The following MGAT5 variants were observed in gnomAD, a reference collection of about 807,000 sequenced individuals.
MGAT5 encodes alpha-1,6-mannosylglycoprotein 6-beta-N-acetylglucosaminyltransferase.
In MGAT5, 30 loss-of-function variants were observed where a neutral mutation model predicts 94.3. That is an observed-to-expected ratio of 0.32 (90% CI 0.24 to 0.43). The LOEUF is 0.43. MGAT5 is among the 20% of genes least tolerant of loss of function. MGAT5 has a pLI of 1.00. For missense variants in MGAT5, 691 were observed against 905.5 expected (o/e 0.76, Z 3.04); for synonymous variants, 310 against 322.9 (o/e 0.96, Z 0.43).
intron 2 of MGAT5, among the ~76,000 whole-genome samples, chr2:134,309,602 T>C (rs1340170432): frequency 6.6e-6 from 1 of 152,188 alleles, no homozygotes; most frequent in African/African-American, 2.4e-5. Flanking sequence ...AGCAATTATT[T>C]AACCCCAGCT....
chr2:134,306,302 T>G (rs1686326769), intron 2 of MGAT5, among the ~76,000 whole-genome samples: 1 of 152,164 alleles, frequency 6.6e-6, no homozygotes, highest in Non-Finnish European at 1.5e-5. Flanking sequence ...TAAAAAGCAC[T>G]CTAATTATCC....
intron 8 of MGAT5, among the ~76,000 whole-genome samples, chr2:134,346,202 T>G (rs754159466): frequency 7.9e-5 from 12 of 152,186 alleles, no homozygotes; most frequent in Non-Finnish European, 1.5e-4. Flanking sequence ...AGGCTTCCCT[T>G]GACTCACATA....
At chr2:134,152,899 C>CTTTTTTTT (rs35135371) in intron 1 of MGAT5, among the ~76,000 whole-genome samples, 1 of 117,292 alleles carries the variant, frequency 8.5e-6, no homozygotes. Context: ...ATGGAGTCCA[C>CTTTTTTTT]TTTTTTTTTT....
chr2:134,284,774 C>T (rs900133807), intron 2 of MGAT5, among the ~76,000 whole-genome samples: 1 of 152,142 alleles, frequency 6.6e-6, no homozygotes, highest in Non-Finnish European at 1.5e-5. Context: ...GGGTTCAGAT[C>T]CTGGCTGGTG....
chr2:134,272,603 C>G lies in MGAT5; in HGVS notation c.406+2053C>G, dbSNP rs114495903. Among the ~76,000 whole-genome samples the G allele has an allele frequency of 2.1e-3, 315 of 152,292 alleles. 2 individuals carry two copies. Among genetic ancestry groups the G allele is most frequent in the African/African-American group, 7.3e-3 (304 of 41,568 alleles). ...TTGGGAGGCAGGGAAGGAGAGGAAA[C>G]TAACATTTAGTAGCTGTCCAGTAAA... On this transcript the variant is annotated intron_variant, in intron 2 of 15. Transcript: ENST00000281923.
intron 1 of MGAT5, among the ~76,000 whole-genome samples, chr2:134,130,098 C>A (rs561915007): frequency 7.9e-5 from 12 of 151,724 alleles, no homozygotes; most frequent in African/African-American, 2.9e-4. Flanking sequence ...GCCGGGTCCC[C>A]CAGCACTGCC....
intron 11 of MGAT5, among the ~76,000 whole-genome samples, chr2:134,409,095 C>T (rs955253546): frequency 6.6e-6 from 1 of 152,140 alleles, no homozygotes; most frequent in African/African-American, 2.4e-5. Context: ...AAACATAACT[C>T]CTGCACACGT....
intron 8 of MGAT5, among the ~76,000 whole-genome samples, chr2:134,347,820 T>C (rs895974333): frequency 6.6e-6 from 1 of 152,162 alleles, no homozygotes; most frequent in Non-Finnish European, 1.5e-5. Flanking sequence ...TGCCAATAAA[T>C]GGAAGAAGCT....
At chr2:134,131,571 GATTTTTTT>G (rs1189917649) in intron 1 of MGAT5, among the ~76,000 whole-genome samples, 1 of 101,818 alleles carries the variant, frequency 9.8e-6, no homozygotes, top group East Asian at 3.4e-4. Flanking sequence ...GTGGTAGATT[GATTTTTTT>G]TTTTTTTTTT....
At chr2:134,161,991 G>C (rs1377289041) in intron 1 of MGAT5, among the ~76,000 whole-genome samples, 1 of 151,786 alleles carries the variant, frequency 6.6e-6, no homozygotes, top group Non-Finnish European at 1.5e-5. Flanking sequence ...AGGAGTTTGA[G>C]ACCAGCCTGG....
At chr2:134,179,294 A>C (rs74466911) in intron 1 of MGAT5, among the ~76,000 whole-genome samples, 4,062 of 152,238 alleles carry the variant, frequency 0.027, 225 homozygotes, top group East Asian at 0.24. Context: ...TATCTTAGGG[A>C]GAAAATACGT....
At chr2:134,285,638 AC>A (rs906728089) in intron 2 of MGAT5, among the ~76,000 whole-genome samples, 5 of 151,950 alleles carry the variant, frequency 3.3e-5, no homozygotes, top group African/African-American at 4.8e-5. Context: ...ATTCCTCCTT[AC>A]CCCTGACTTT....
chr2:134,261,478 C>T (rs947647752), intron 1 of MGAT5, among the ~76,000 whole-genome samples: 2 of 152,160 alleles, frequency 1.3e-5, no homozygotes, highest in Non-Finnish European at 2.9e-5. Flanking sequence ...ATTCGCCTGT[C>T]TTTGAGCGTC....
intron 2 of MGAT5, among the ~76,000 whole-genome samples, chr2:134,272,953 G>T (rs1482583109): frequency 1.3e-5 from 2 of 152,220 alleles, no homozygotes; most frequent in East Asian, 3.9e-4. Flanking sequence ...CTCTGTCTCA[G>T]TGTCTGCTCT....
chr2:134,340,581 A>C (rs1688567222), intron 6 of MGAT5, among the ~76,000 whole-genome samples: 1 of 152,204 alleles, frequency 6.6e-6, no homozygotes, highest in South Asian at 2.1e-4. Flanking sequence ...ATTATTCTGA[A>C]AAACTGGCAA....
At chr2:134,269,453 A>G (rs1430970225) in intron 1 of MGAT5, among the ~76,000 whole-genome samples, 1 of 152,204 alleles carries the variant, frequency 6.6e-6, no homozygotes, top group African/African-American at 2.4e-5. Flanking sequence ...CCCACTCCCA[A>G]TTCAGAAATG....
In MGAT5 at chr2:134,234,616, C is replaced by G. The variant is rs192467880; in HGVS notation, c.-142-19646C>G. ...TCTGGATTCTGAGGCCTGCTTCTCT[C>G]TCACCAGGTGCTTTTAAATTCCCTT... On this transcript the variant is annotated intron_variant, in intron 1 of 16. Coordinates refer to the MGAT5 transcript ENST00000409645. Among the ~76,000 whole-genome samples the G allele has an allele frequency of 1.4e-4, 22 of 152,354 alleles. 1 individual carries two copies. Among genetic ancestry groups the G allele is most frequent in the Admixed American group, 1.4e-3 (22 of 15,302 alleles).
intron 11 of MGAT5, among the ~76,000 whole-genome samples, chr2:134,410,432 G>C (rs1222424977): frequency 6.6e-6 from 1 of 152,190 alleles, no homozygotes; most frequent in East Asian, 1.9e-4. Flanking sequence ...AATCCTAATT[G>C]TGTGACAGAA....
intron 1 of MGAT5, among the ~76,000 whole-genome samples, chr2:134,259,915 G>A (rs1001945574): frequency 6.6e-6 from 1 of 152,190 alleles, no homozygotes; most frequent in Non-Finnish European, 1.5e-5. Flanking sequence ...GAAAAATGGT[G>A]ATAGGGTTTA....
Sources: allele counts gnomAD v4.1 joint callset (sites outside exome capture counted in the v4.1 genomes callset), GRCh38; gene constraint gnomAD v4.1.1; transcripts MANE v1.5; gene names NCBI Gene and HGNC (gene_info 2026-07-23, HGNC 2026-07-21).